The following CADPS2 variants were observed in gnomAD, a reference collection of about 807,000 sequenced individuals.
CADPS2 encodes calcium dependent secretion activator 2, also known as calcium-dependent secretion activator 2.
In CADPS2, 93 loss-of-function variants were observed where a neutral mutation model predicts 172.5. That is an observed-to-expected ratio of 0.54 (90% CI 0.46 to 0.64). The LOEUF (loss-of-function observed/expected upper bound fraction) is 0.64. Among genes scored for constraint, CADPS2 ranks in the 30% least tolerant of loss-of-function variants. The probability of loss-of-function intolerance (pLI) is 0.00; values close to 1 mark genes in which losing one functional copy is unlikely to be tolerated. For synonymous variants in CADPS2, 546 were observed against 555.2 expected, an observed-to-expected ratio of 0.98 and a Z score of 0.23; for missense variants, 1,420 against 1,565.9, an observed-to-expected ratio of 0.91 and a Z score of 1.57.
chr7:122,655,875 A>C (rs898119795), intron 3 of CADPS2, among the ~76,000 whole-genome samples: 1 of 152,150 alleles, frequency 6.6e-6, no homozygotes, highest in African/African-American at 2.4e-5. Context: ...TCAGAACTGA[A>C]AGAAACTATA....
chr7:122,424,520 C>T (rs1238577243), intron 17 of CADPS2: 1 of 153,634 alleles, frequency 6.5e-6, no homozygotes, highest in East Asian at 1.9e-4. Context: ...AGGTAAAAGT[C>T]AGTGACTCTG....
intron 1 of CADPS2, among the ~76,000 whole-genome samples, chr7:122,782,612 GCAACAACAA>G (rs528094073): frequency 6.6e-6 from 1 of 151,788 alleles, no homozygotes; most frequent in Non-Finnish European, 1.5e-5. Flanking sequence ...CCCTGTCTCA[GCAACAACAA>G]CAACAACAAC....
chr7:122,766,146 T>C (rs117898682), intron 1 of CADPS2, among the ~76,000 whole-genome samples: 1,625 of 152,150 alleles, frequency 0.011, 14 homozygotes, highest in Non-Finnish European at 0.016. Flanking sequence ...ACCACACTCT[T>C]GCAGTAACCC....
rs575524549 is a variant in CADPS2 at position 122,493,594 on chromosome 7, A to C, written c.1543-2174T>G. Among the ~76,000 whole-genome samples the C allele has an allele frequency of 5.3e-5, 8 of 152,322 alleles. No individual in the cohort carries two copies. The South Asian group carries it at 1.7e-3, about 32-fold the overall frequency. ...TACACAGTGTGGGTGACAGAATGAA[A>C]ACTGGTGTGGACTTTCTGGAAGGCA... On this transcript the variant is annotated intron_variant, in intron 9 of 29. Coordinates refer to ENST00000449022, the MANE Select transcript of CADPS2 (RefSeq NM_017954.11).
At chr7:122,838,025 C>T (rs1370862662) in intron 1 of CADPS2, among the ~76,000 whole-genome samples, 1 of 152,158 alleles carries the variant, frequency 6.6e-6, no homozygotes, top group Non-Finnish European at 1.5e-5. Context: ...ATGCAAAAAT[C>T]CTCAATAAAA....
chr7:122,447,883 C>A (rs1586142431), intron 15 of CADPS2, among the ~76,000 whole-genome samples: 1 of 151,898 alleles, frequency 6.6e-6, no homozygotes, highest in African/African-American at 2.4e-5. Flanking sequence ...CTCTTTGTTT[C>A]CCCCTGGTTT....
At position 122,321,433 on chromosome 7, in the gene CADPS2, G is replaced by A. The variant is rs143734551; in HGVS notation, c.3718-1095C>T. 1.6e-3 allele frequency among the ~76,000 whole-genome samples: 251 copies of A among 152,312 alleles called. 1 individual carries two copies. Among genetic ancestry groups the A allele is most frequent in the African/African-American group, 5.7e-3 (236 of 41,566 alleles). On this transcript the variant is annotated intron_variant, in intron 29 of 29. Coordinates refer to ENST00000449022, the MANE Select transcript of CADPS2 (RefSeq NM_017954.11). ...TCCTCACATCTCAGCCTCCCAAAGT[G>A]CCGGGACTACAGGCCTGAGCCACTG...
At chr7:122,868,708 C>G (rs1221980176) in intron 1 of CADPS2, among the ~76,000 whole-genome samples, 1 of 152,122 alleles carries the variant, frequency 6.6e-6, no homozygotes, top group Non-Finnish European at 1.5e-5. Flanking sequence ...AATAAAAGAA[C>G]AAGATACATC....
intron 2 of CADPS2, among the ~76,000 whole-genome samples, chr7:122,679,867 C>A (rs1341611925): frequency 6.6e-6 from 1 of 152,134 alleles, no homozygotes; most frequent in Non-Finnish European, 1.5e-5. Context: ...AATCTTGTGG[C>A]CTTTCATTAG....
intron 20 of CADPS2, among the ~76,000 whole-genome samples, chr7:122,398,937 C>G (rs2045538689): frequency 6.6e-6 from 1 of 152,074 alleles, no homozygotes; most frequent in Non-Finnish European, 1.5e-5. Flanking sequence ...TTTAAGTAGA[C>G]TAGGAAACAC....
intron 20 of CADPS2, among the ~76,000 whole-genome samples, chr7:122,398,035 C>A (rs2045405069): frequency 6.6e-6 from 1 of 152,004 alleles, no homozygotes. Context: ...CCCTATGGTA[C>A]AATTAGAAAT....
rs2085956526 is a variant in CADPS2 at position 122,700,948 on chromosome 7, C to T, written c.453+36007G>A. ...AAAATAATTATTTAGAACACATTAC[C>T]AATCCAGTGAGTAGCTTTGGAAACT... On this transcript the variant is annotated intron_variant, in intron 2 of 29. Coordinates refer to ENST00000449022, the MANE Select transcript of CADPS2 (RefSeq NM_017954.11). Among the ~76,000 whole-genome samples, 3 of 152,062 alleles carry T rather than the reference C, an allele frequency of 2.0e-5. No homozygotes were observed. The South Asian group carries it at 6.2e-4, about 31-fold the overall frequency.
intron 24 of CADPS2, among the ~76,000 whole-genome samples, chr7:122,380,770 T>C (rs1021237035): frequency 6.6e-6 from 1 of 152,230 alleles, no homozygotes; most frequent in East Asian, 1.9e-4. Context: ...TGGGCACATA[T>C]TGCACCCACT....
intron 5 of CADPS2, among the ~76,000 whole-genome samples, chr7:122,620,751 G>T (rs2075509555): frequency 6.6e-6 from 1 of 152,098 alleles, no homozygotes; most frequent in Non-Finnish European, 1.5e-5. Context: ...TATTTGATAT[G>T]ATCCTAGAAA....
intron 11 of CADPS2, among the ~76,000 whole-genome samples, chr7:122,481,162 C>CTTTT (rs35352953): frequency 2.7e-3 from 285 of 107,426 alleles, no homozygotes; most frequent in Middle Eastern, 0.012. Flanking sequence ...TTTCTTCATT[C>CTTTT]TTTTTTTTTT....
At chr7:122,389,278 A>C (rs2044080583) in intron 22 of CADPS2, among the ~76,000 whole-genome samples, 1 of 152,028 alleles carries the variant, frequency 6.6e-6, no homozygotes, top group Admixed American at 6.6e-5. Context: ...GTAGGGAAGC[A>C]ATCTTTTATT....
rs1412355416 is a variant in CADPS2, at chr7:122,645,343, AC to A, written c.787-16016del. Among the ~76,000 whole-genome samples, 18 of 106,394 alleles carry A rather than the reference AC, an allele frequency of 1.7e-4. 1 individual carries two copies. Among genetic ancestry groups the A allele is most frequent in the Non-Finnish European group, 2.7e-4 (12 of 45,174 alleles). 69.8% of individuals were successfully genotyped at this position (106,394 alleles called of 152,430 possible). A position where few individuals can be genotyped will look rare whatever the true frequency, so the allele number is the denominator to read the frequency against. The stretch of plus-strand genomic sequence containing the variant: ...TACATGTACATATATACACACATGT[AC>A]ATGTGTGTGTATACATGTACATGTA... On this transcript the variant is annotated intron_variant, in intron 3 of 29. Coordinates refer to ENST00000449022, the MANE Select transcript of CADPS2 (RefSeq NM_017954.11).
chr7:122,479,623 G>T (rs956181526), intron 12 of CADPS2, among the ~76,000 whole-genome samples: 2 of 152,100 alleles, frequency 1.3e-5, no homozygotes, highest in Non-Finnish European at 2.9e-5. Context: ...CTTGCTTTCT[G>T]CAGCCAATAA....
chr7:122,660,685 C>T (rs891767441), intron 3 of CADPS2, among the ~76,000 whole-genome samples: 6 of 151,550 alleles, frequency 4.0e-5, no homozygotes, highest in East Asian at 1.9e-4. Flanking sequence ...CCGAGGCGGG[C>T]GGATCATGAG....
Sources: gnomAD v4.1 joint callset for allele counts (sites outside exome capture counted in the v4.1 genomes callset) on GRCh38, gnomAD v4.1.1 for gene constraint, MANE v1.5 for transcripts, NCBI Gene and HGNC (gene_info 2026-07-23, HGNC 2026-07-21) for gene names.